CAMK2D: variants seen among roughly 807,000 people sequenced by gnomAD.
CAMK2D encodes calcium/calmodulin-dependent protein kinase type II subunit delta.
In CAMK2D, 37 loss-of-function variants were observed where a neutral mutation model predicts 84.0. The observed-to-expected ratio is 0.44, with a 90% CI of 0.34 to 0.58. The LOEUF (loss-of-function observed/expected upper bound fraction) is 0.58, where lower values mean the gene tolerates loss of function less well. Among genes scored for constraint, CAMK2D ranks in the 20% least tolerant of loss-of-function variants. The pLI is 0.02. For missense variants in CAMK2D, 448 were observed against 652.5 expected, an observed-to-expected ratio of 0.69 and a Z score of 3.41; for synonymous variants, 202 against 212.5, an observed-to-expected ratio of 0.95 and a Z score of 0.43.
chr4:113,565,261 C>G (rs2098716936), intron 4 of CAMK2D, among the ~76,000 whole-genome samples: 1 of 152,128 alleles, frequency 6.6e-6, no homozygotes, highest in Admixed American at 6.5e-5. Context: ...TATAAATTTA[C>G]CCATTACAAC....
chr4:113,548,060 G>A (rs568372496), intron 5 of CAMK2D, among the ~76,000 whole-genome samples: 11 of 152,144 alleles, frequency 7.2e-5, no homozygotes, highest in East Asian at 3.9e-4. Context: ...CCTCCACCCC[G>A]TCACATAAAT....
At chr4:113,657,948 G>C (rs1229719693) in intron 3 of CAMK2D, among the ~76,000 whole-genome samples, 1 of 152,144 alleles carries the variant, frequency 6.6e-6, no homozygotes, top group Non-Finnish European at 1.5e-5. Flanking sequence ...ATATTACTTA[G>C]ATATCATATT....
intron 3 of CAMK2D, among the ~76,000 whole-genome samples, chr4:113,657,169 T>C (rs1049712451): frequency 5.3e-5 from 8 of 152,162 alleles, no homozygotes; most frequent in South Asian, 2.1e-4. Context: ...TTTCCTCAAT[T>C]GCAATAGTAC....
At chr4:113,526,414 A>ATGTG (rs35503858) in intron 8 of CAMK2D, among the ~76,000 whole-genome samples, 2,574 of 149,630 alleles carry the variant, frequency 0.017, 33 homozygotes, top group South Asian at 0.03. Flanking sequence ...GTCATTCTTG[A>ATGTG]TGTGTGTGTG....
intron 2 of CAMK2D, among the ~76,000 whole-genome samples, chr4:113,670,772 A>T (rs2099277881): frequency 6.6e-6 from 1 of 151,960 alleles, no homozygotes; most frequent in Non-Finnish European, 1.5e-5. Context: ...ACAAAAAAAA[A>T]AAAAAATTAG....
chr4:113,581,534 GAAAAGA>G (rs2098810022), intron 4 of CAMK2D, among the ~76,000 whole-genome samples: 3 of 115,386 alleles, frequency 2.6e-5, no homozygotes, highest in Admixed American at 9.0e-5. Flanking sequence ...AAAAAAAAAA[GAAAAGA>G]AAAGAAAAGA....
intron 2 of CAMK2D, among the ~76,000 whole-genome samples, chr4:113,720,858 T>A (rs771087876): frequency 6.6e-6 from 1 of 152,100 alleles, no homozygotes; most frequent in Admixed American, 6.6e-5. Flanking sequence ...CAATCAGATA[T>A]GATGCCCAAT....
chr4:113,736,499 T>C (rs1476712189), intron 2 of CAMK2D, among the ~76,000 whole-genome samples: 1 of 152,176 alleles, frequency 6.6e-6, no homozygotes, highest in Non-Finnish European at 1.5e-5. Flanking sequence ...TTGTTTTAAA[T>C]TGAGTGAAAC....
At chr4:113,725,291 C>T (rs1218632319) in intron 2 of CAMK2D, among the ~76,000 whole-genome samples, 1 of 151,956 alleles carries the variant, frequency 6.6e-6, no homozygotes, top group African/African-American at 2.4e-5. Context: ...TGTAAAGATA[C>T]ACAGTTTACT....
intron 16 of CAMK2D, among the ~76,000 whole-genome samples, chr4:113,486,268 G>A (rs2097765061): frequency 6.6e-6 from 1 of 151,922 alleles, no homozygotes; most frequent in Admixed American, 6.6e-5. Flanking sequence ...GACTACAGGT[G>A]TGTGCCACCA....
intron 3 of CAMK2D, among the ~76,000 whole-genome samples, chr4:113,658,902 A>T (rs772788904): frequency 2.2e-4 from 34 of 152,212 alleles, no homozygotes; most frequent in Non-Finnish European, 2.8e-4. Flanking sequence ...AAATCTTAAA[A>T]GGTTAAAGAA....
intron 13 of CAMK2D, chr4:113,508,121 G>C: frequency 1.1e-5 from 8 of 723,824 alleles, no homozygotes; most frequent in African/African-American, 1.7e-5. Context: ...GACTAACACT[G>C]ACCTGTAATG....
intron 2 of CAMK2D, among the ~76,000 whole-genome samples, chr4:113,690,278 A>G (rs1460301729): frequency 2.6e-5 from 4 of 152,204 alleles, no homozygotes; most frequent in Non-Finnish European, 5.9e-5. Flanking sequence ...TAAAATTGTG[A>G]TGGGAGAACA....
chr4:113,680,172 T>C (rs77010637), intron 2 of CAMK2D, among the ~76,000 whole-genome samples: 3,009 of 152,254 alleles, frequency 0.02, 93 homozygotes, highest in African/African-American at 0.068. Flanking sequence ...TCAGATTCTA[T>C]GGAAGCAGAT....
chr4:113,515,908 TCTC>T (rs1316454978), intron 9 of CAMK2D, among the ~76,000 whole-genome samples: 4 of 152,218 alleles, frequency 2.6e-5, no homozygotes, highest in Non-Finnish European at 5.9e-5. Flanking sequence ...GAAAGCTACT[TCTC>T]CTTTCTTTAC....
intron 18 of CAMK2D, among the ~76,000 whole-genome samples, chr4:113,459,833 T>A (rs922205542): frequency 6.6e-6 from 1 of 151,752 alleles, no homozygotes; most frequent in African/African-American, 2.4e-5. Context: ...ACCATGTTGG[T>A]CAGGCTGGTC....
intron 16 of CAMK2D, among the ~76,000 whole-genome samples, chr4:113,482,047 G>GGTA (rs1202689754): frequency 6.6e-6 from 1 of 152,186 alleles, no homozygotes; most frequent in African/African-American, 2.4e-5. Flanking sequence ...CCCTGGTCAT[G>GGTA]GTAGGCCTTT....
rs2099584192 is a variant in CAMK2D at position 113,737,598 on chromosome 4, C to T, written c.160+21722G>A. Reference sequence around the variant, plus strand: ...TACGACGATGTGAATATACTTAATGCCACTAAATTGTACACTTAAAAACAG... The same window carrying T: ...TACGACGATGTGAATATACTTAATGTCACTAAATTGTACACTTAAAAACAG... On this transcript the variant is annotated intron_variant, in intron 2 of 20. Transcript: ENST00000511664. Among the ~76,000 whole-genome samples the T allele has an allele frequency of 3.3e-5, 5 of 152,160 alleles. No homozygotes were observed. In the South Asian group the frequency reaches 8.3e-4, roughly 25 times the overall value.
At chr4:113,603,564 T>C (rs1052963908) in intron 4 of CAMK2D, among the ~76,000 whole-genome samples, 1 of 151,160 alleles carries the variant, frequency 6.6e-6, no homozygotes, top group Non-Finnish European at 1.5e-5. Flanking sequence ...AGGAAGGGGA[T>C]GACTTTGCTT....
Sources: gnomAD v4.1 joint callset for allele counts (sites outside exome capture counted in the v4.1 genomes callset) on GRCh38, gnomAD v4.1.1 for gene constraint, MANE v1.5 for transcripts, NCBI Gene and HGNC (gene_info 2026-07-23, HGNC 2026-07-21) for gene names.